Variants in PRPF39 observed in about 807,000 individuals in gnomAD.
The protein encoded by PRPF39 is pre-mRNA-processing factor 39.
A neutral mutation model predicts 82.1 loss-of-function variants in PRPF39; 27 were observed. The observed-to-expected ratio is 0.33, with a 90% CI of 0.24 to 0.45. The LOEUF is 0.45. Ranked by LOEUF, PRPF39 falls within the 20% of genes least tolerant of loss-of-function variation. The pLI is 1.00. For synonymous variants in PRPF39, 261 were observed against 256.4 expected (o/e 1.02, Z -0.17); for missense variants, 581 against 796.9 (o/e 0.73, Z 3.26).
chr14:45,101,125 CTAGTTTCT>C (rs1218975377), intron 4 of PRPF39, among the ~76,000 whole-genome samples: 4 of 152,268 alleles, frequency 2.6e-5, no homozygotes, highest in Non-Finnish European at 5.9e-5. Flanking sequence ...CTATAGCTTC[CTAGTTTCT>C]TATATTATCT....
chr14:45,094,560 C>T (rs1370304633), intron 1 of PRPF39, among the ~76,000 whole-genome samples: 2 of 152,062 alleles, frequency 1.3e-5, no homozygotes, highest in Non-Finnish European at 2.9e-5. Context: ...TGCCACCATG[C>T]CTGGCCCCTT....
rs142822150 is a variant in PRPF39 at position 45,095,381 on chromosome 14, T to C, written c.142T>C (p.Ser48Pro). ...AGAAATGGAACAGTCACCTGATGACTCTCCCAATGTGAATGCATCTACAGA... is the reference window on the plus strand; with the variant it reads ...AGAAATGGAACAGTCACCTGATGACCCTCCCAATGTGAATGCATCTACAGA... ...VTEMEQSPDD[S>P]PNVNASTEET... The change falls in exon 2 of 14, where the codon TCT becomes CCT. Residue 48 changes from serine to proline, a missense_variant. By Grantham distance (74) the Ser-to-Pro change is moderately conservative. Coordinates refer to ENST00000355765, the MANE Select transcript of PRPF39 (RefSeq NM_017922.4). 8.1e-4 allele frequency: 1,308 copies of C among 1,613,926 alleles called. 7 individuals carry two copies. In the African/African-American group the frequency reaches 0.016, roughly 20 times the overall value.
rs1884668084 is a variant in PRPF39 at position 45,110,486 on chromosome 14, C to T, written c.1304-63C>T. 6.8e-7 allele frequency: 1 copy of T among 1,464,912 alleles called. No homozygotes were observed. Among genetic ancestry groups the T allele is most frequent in the Non-Finnish European group, 9.2e-7 (1 of 1,084,056 alleles). 90.7% of individuals were successfully genotyped at this position (1,464,912 alleles called of 1,614,324 possible). A position where few individuals can be genotyped will look rare whatever the true frequency, so the allele number is the denominator to read the frequency against. On this transcript the variant is annotated intron_variant, in intron 9 of 13. Coordinates refer to ENST00000355765, the MANE Select transcript of PRPF39 (RefSeq NM_017922.4). The surrounding 1 kb of genome is among the most constrained non-coding windows in gnomAD (Gnocchi z 4.0). ...GCCCATGGGTGATTGTTGCCAGTAT[C>T]TGGTTATAAACGTTATTTTGGTTGT...
chr14:45,116,072 A>G lies in PRPF39; in HGVS notation c.*1159A>G, dbSNP rs993625342. The G allele has an allele frequency of 1.5e-6, 1 of 654,856 alleles. No individual in the cohort carries two copies. Among genetic ancestry groups the G allele is most frequent in the African/African-American group, 1.8e-5 (1 of 55,832 alleles). 40.6% of individuals were successfully genotyped at this position (654,856 alleles called of 1,614,324 possible). ...GGGACCAAGTAAACAAATTTTATTA[A>G]CTCCTTGAATTTTCCAGTTGACTCT... is the stretch of plus-strand genomic sequence containing the variant. On this transcript the variant is annotated 3_prime_UTR_variant, in exon 14 of 14. Coordinates refer to ENST00000355765, the MANE Select transcript of PRPF39 (RefSeq NM_017922.4).
chr14:45,085,515 T>C (rs1269118867), intron 1 of PRPF39, among the ~76,000 whole-genome samples: 1 of 152,180 alleles, frequency 6.6e-6, no homozygotes, highest in Non-Finnish European at 1.5e-5. Context: ...AGATAGGACT[T>C]CAAAAAAAAT....
At chr14:45,111,351 A>G (rs1884689811) in intron 10 of PRPF39, among the ~76,000 whole-genome samples, 1 of 151,650 alleles carries the variant, frequency 6.6e-6, no homozygotes, top group Non-Finnish European at 1.5e-5. Flanking sequence ...TAAGATGTTT[A>G]TCTTTTTTTT....
chr14:45,104,328 C>G (rs954870408), intron 5 of PRPF39, among the ~76,000 whole-genome samples: 1 of 152,108 alleles, frequency 6.6e-6, no homozygotes, highest in South Asian at 2.1e-4. Context: ...GAACCACTTT[C>G]CTTATCAGTT....
intron 1 of PRPF39, among the ~76,000 whole-genome samples, chr14:45,090,899 A>T (rs1460912059): frequency 6.6e-6 from 1 of 152,002 alleles, no homozygotes; most frequent in Admixed American, 6.6e-5. Context: ...CCATCCCCAC[A>T]TGTCCCATTT....
At position 45,096,239 on chromosome 14, in the gene PRPF39, C is replaced by T. The variant is rs1884197009; in HGVS notation, c.450+11C>T. On this transcript the variant is annotated intron_variant, in intron 3 of 13. Coordinates refer to ENST00000355765, the MANE Select transcript of PRPF39 (RefSeq NM_017922.4). ...AAACCATCAGATGAGGTGCGTACAT[C>T]ACTGAATAAACTTATCTCCAATAGG... 6.3e-7 allele frequency: 1 copy of T among 1,575,938 alleles called. No homozygotes were observed. Among genetic ancestry groups the T allele is most frequent in the South Asian group, 1.2e-5 (1 of 85,964 alleles).
chr14:45,096,874 G>GT lies in PRPF39; in HGVS notation c.451-9dup, dbSNP rs769267262. On this transcript the variant is annotated splice_polypyrimidine_tract_variant and intron_variant, in intron 3 of 13. Coordinates refer to ENST00000355765, the MANE Select transcript of PRPF39 (RefSeq NM_017922.4). ...TTAAATATTTGAAGTACAGTTTGCTGTTTTCTTCTTAGGTTTATCGGCGGG... is the reference window on the plus strand; with the variant it reads ...TTAAATATTTGAAGTACAGTTTGCTGTTTTTCTTCTTAGGTTTATCGGCGGG... 1.9e-6 allele frequency: 3 copies of GT among 1,542,926 alleles called. No individual in the cohort carries two copies. The highest frequency in any genetic ancestry group is 2.6e-6 in the Non-Finnish European group (3 of 1,144,650).
rs138966888 is a variant in PRPF39, at chr14:45,101,689, C to G, written c.570-840C>G. Among the ~76,000 whole-genome samples the G allele has an allele frequency of 6.7e-4, 102 of 152,156 alleles. 1 individual carries two copies. In the East Asian group the frequency reaches 0.018, roughly 27 times the overall value. On this transcript the variant is annotated intron_variant, in intron 4 of 13. Coordinates refer to ENST00000355765, the MANE Select transcript of PRPF39 (RefSeq NM_017922.4). Reference sequence around the variant, plus strand: ...CCGTGTTGGCAAGGCTGGTCTCAAACTCCTGGCCTCATGTGCTGGAATTAC... The same window carrying G: ...CCGTGTTGGCAAGGCTGGTCTCAAAGTCCTGGCCTCATGTGCTGGAATTAC...
intron 2 of PRPF39, 110 bp from the exon 3 acceptor site, chr14:45,095,993 A>T: frequency 2.9e-6 from 3 of 1,029,688 alleles, no homozygotes; most frequent in Non-Finnish European, 4.1e-6. Flanking sequence ...TGGAGTTTTT[A>T]AGCCTGCCAT....
In PRPF39 at chr14:45,112,531, A is replaced by G. The variant is rs552717102; in HGVS notation, c.1757+29A>G. On this transcript the variant is annotated intron_variant, in intron 11 of 13. Coordinates refer to ENST00000355765, the MANE Select transcript of PRPF39 (RefSeq NM_017922.4). Reference sequence around the variant, plus strand: ...AGATATTAGTTATATTACCTATTTGAATGATAAATGAGCATTGATATTTTT... The same window carrying G: ...AGATATTAGTTATATTACCTATTTGGATGATAAATGAGCATTGATATTTTT... 47 of 1,425,778 alleles carry G rather than the reference A, an allele frequency of 3.3e-5. No homozygotes were observed. In the South Asian group the frequency reaches 7.0e-4, roughly 21 times the overall value. 88.3% of individuals were successfully genotyped at this position (1,425,778 alleles called of 1,614,324 possible). A position where few individuals can be genotyped will look rare whatever the true frequency, so the allele number is the denominator to read the frequency against.
chr14:45,101,460 C>CTTT lies in PRPF39; in HGVS notation c.570-1060_570-1058dup, dbSNP rs113037998. Among the ~76,000 whole-genome samples the CTTT allele has an allele frequency of 9.1e-3, 1,351 of 148,522 alleles. 8 individuals are homozygous for CTTT. Among genetic ancestry groups the CTTT allele is most frequent in the Non-Finnish European group, 0.014 (944 of 66,770 alleles). Reference sequence around the variant, plus strand: ...GTATTTTAAAATACTTTGTAACAAACTTTTTTTTTTTCTTTGGAGACAGAG... The same window carrying CTTT: ...GTATTTTAAAATACTTTGTAACAAACTTTTTTTTTTTTTTCTTTGGAGACAGAG... On this transcript the variant is annotated intron_variant, in intron 4 of 13. Coordinates refer to ENST00000355765, the MANE Select transcript of PRPF39 (RefSeq NM_017922.4).
At chr14:45,093,943 G>C (rs1447449078) in intron 1 of PRPF39, among the ~76,000 whole-genome samples, 1 of 152,052 alleles carries the variant, frequency 6.6e-6, no homozygotes, top group African/African-American at 2.4e-5. Flanking sequence ...TGTTTTTTCT[G>C]ATTATTTCCA....
In PRPF39 at chr14:45,114,564, G is replaced by A. The variant is rs2139070703; in HGVS notation, c.1903G>A (p.Gly635Ser). The A allele has an allele frequency of 6.2e-7, 1 of 1,608,400 alleles. No individual in the cohort carries two copies. Among genetic ancestry groups the A allele is most frequent in the East Asian group, 2.2e-5 (1 of 44,732 alleles). ...TTSSSTQMID[G>S]DLQANQAVYN... is the part of the protein sequence containing the mutation. ...TTCATCATCTACACAGATGATTGAT[G>A]GTGATTTACAGGCAAACCAAGCTGT... The change falls in exon 13 of 14, where the codon GGT (glycine) becomes AGT (serine). Residue 635 changes from glycine (G) to serine (S), a missense_variant. Coordinates refer to ENST00000355765, the MANE Select transcript of PRPF39 (RefSeq NM_017922.4).
intron 4 of PRPF39, among the ~76,000 whole-genome samples, chr14:45,102,315 TA>T (rs1325935324): frequency 1.2e-4 from 19 of 152,252 alleles, no homozygotes; most frequent in Admixed American, 7.2e-4. Context: ...TAAAGTTACA[TA>T]AAAAGTACAT....
At chr14:45,096,030 G>T in intron 2 of PRPF39, 73 bp from the exon 3 acceptor site, 1 of 1,324,036 alleles carries the variant, frequency 7.6e-7, no homozygotes, top group Non-Finnish European at 1.0e-6. Flanking sequence ...AGATAATAAC[G>T]TTTGAAAGGA....
rs965412999 is a variant in PRPF39 at position 45,115,185 on chromosome 14, G to T, written c.*272G>T. The stretch of plus-strand genomic sequence containing the variant: ...TCTAGAATTCTTTTGCAATGCATTT[G>T]CAACAGAATTTTGTAGCCTTAAGGG... On this transcript the variant is annotated 3_prime_UTR_variant, in exon 14 of 14. Transcript: ENST00000355765. The T allele has an allele frequency of 1.8e-5, 4 of 222,936 alleles. No homozygotes were observed. The South Asian group carries it at 3.3e-4, about 18-fold the overall frequency. The allele number at this position is 222,936 out of a possible 1,614,324, so 13.8% of individuals were successfully genotyped here. A position where few individuals can be genotyped will look rare whatever the true frequency, so the allele number is the denominator to read the frequency against.
Sources: gnomAD v4.1 joint callset for allele counts (sites outside exome capture counted in the v4.1 genomes callset) on GRCh38, gnomAD v4.1.1 for gene constraint, Gnocchi (gnomAD v3.1) non-coding constraint, MANE v1.5 for transcripts, NCBI Gene and HGNC (gene_info 2026-07-23, HGNC 2026-07-21) for gene names.